Variants in TICRR observed in about 807,000 individuals in gnomAD.
The protein encoded by TICRR is TOPBP1 interacting checkpoint and replication regulator.
Under a neutral mutation model 178.1 loss-of-function variants are expected in TICRR, and 132 were observed. The ratio of observed to expected loss-of-function variants is 0.74; its 90% CI spans 0.64 to 0.86. The LOEUF is 0.86. Among genes scored for constraint, TICRR ranks in the 40% least tolerant of loss-of-function variants. TICRR has a pLI of 0.00. For synonymous variants in TICRR, 991 were observed against 900.7 expected, an observed-to-expected ratio of 1.10 and a Z score of -1.79; for missense variants, 2,587 against 2,334.3, an observed-to-expected ratio of 1.11 and a Z score of -2.23.
intron 13 of TICRR, among the ~76,000 whole-genome samples, chr15:89,604,710 G>A (rs1333482170): frequency 7.0e-6 from 1 of 143,870 alleles, no homozygotes. Flanking sequence ...GTTTGAGGCT[G>A]CAATGAACTA....
At chr15:89,598,908 G>C (rs12913027) in intron 7 of TICRR, among the ~76,000 whole-genome samples, 4 of 151,872 alleles carry the variant, frequency 2.6e-5, no homozygotes, top group African/African-American at 9.7e-5. Context: ...TCCAGAGGCT[G>C]AGGTGGGAAG....
chr15:89,608,918 G>T lies in TICRR; in HGVS notation c.2838G>T (p.Glu946Asp). 1.2e-6 allele frequency: 2 copies of T among 1,601,200 alleles called. No individual in the cohort carries two copies. Among genetic ancestry groups the T allele is most frequent in the African/African-American group, 1.4e-5 (1 of 73,766 alleles). Residue 946 changes from glutamate to aspartate, a missense_variant, in exon 15 of 22, where the codon GAG (glutamate) becomes GAT (aspartate). Physicochemically the swap from Glu to Asp is conservative, Grantham distance 45. Transcript: ENST00000268138. ...CTGTGTCAGCTGTGGATGGTCTAGA[G>T]GATAAACTTGACAACTTCAAGAAGA... Reference protein sequence around the residue: ...SHSVSAVDGLEDKLDNFKKNK... With the variant: ...SHSVSAVDGLDDKLDNFKKNK...
Position 89,624,074 on chromosome 15 carries a change from C to G in TICRR, c.3764C>G (p.Ala1255Gly). 6 of 1,614,050 alleles carry G rather than the reference C, an allele frequency of 3.7e-6. No homozygotes were observed. Among genetic ancestry groups the G allele is most frequent in the Non-Finnish European group, 5.1e-6 (6 of 1,180,020 alleles). The part of the protein sequence containing the change: ...RDPLRTPPRA[A>G]AFMGTPQNQT... ...CCTCTCAGAACACCTCCGAGAGCAG[C>G]AGCCTTCATGGGCACGCCTCAGAAT... is the stretch of plus-strand genomic sequence containing the variant. The change falls in exon 20 of 22, where the codon GCA becomes GGA. Residue 1255 changes from alanine to glycine, a missense_variant. Coordinates refer to ENST00000268138, the MANE Select transcript of TICRR (RefSeq NM_152259.4).
chr15:89,595,464 G>T lies in TICRR; in HGVS notation c.1753G>T (p.Ala585Ser), dbSNP rs775106421. ...MCRSLKMLNV[A>S]RLNVKAQKLH... ...CCGTTCCTTAAAGATGTTGAATGTCGCAAGGCTGAATGTGAAGGCCCAGAA... is the reference window on the plus strand; with the variant it reads ...CCGTTCCTTAAAGATGTTGAATGTCTCAAGGCTGAATGTGAAGGCCCAGAA... The change falls in exon 7 of 22, where the codon GCA becomes TCA. Residue 585 changes from alanine (A) to serine (S), a missense_variant. Transcript: ENST00000268138. 1.9e-6 allele frequency: 3 copies of T among 1,614,086 alleles called. No homozygotes were observed. The highest frequency in any genetic ancestry group is 1.7e-5 in the Admixed American group (1 of 60,014).
In TICRR at chr15:89,601,585, C is replaced by A; in HGVS notation, c.2327+17C>A. ...TTTGAGATTGTAAGTTTGATGGTTA[C>A]TAACTTAACTTTAAAATTGTTTTGT... On this transcript the variant is annotated intron_variant, in intron 11 of 21. Coordinates refer to ENST00000268138, the MANE Select transcript of TICRR (RefSeq NM_152259.4). 1 of 1,613,380 alleles carries A rather than the reference C, an allele frequency of 6.2e-7. No homozygotes were observed. The highest frequency in any genetic ancestry group is 8.5e-7 in the Non-Finnish European group (1 of 1,179,378).
At chr15:89,607,888 C>T (rs1963197590) in intron 14 of TICRR, among the ~76,000 whole-genome samples, 1 of 151,872 alleles carries the variant, frequency 6.6e-6, no homozygotes, top group South Asian at 2.1e-4. Flanking sequence ...AACTTTGAGT[C>T]TAGATGATGA....
At chr15:89,602,276 T>C (rs1963111283) in intron 12 of TICRR, among the ~76,000 whole-genome samples, 1 of 152,204 alleles carries the variant, frequency 6.6e-6, no homozygotes, top group Non-Finnish European at 1.5e-5. Flanking sequence ...ACCTAGATAG[T>C]ATATATTTTT....
intron 18 of TICRR, among the ~76,000 whole-genome samples, chr15:89,621,001 G>A (rs1169137666): frequency 1.3e-5 from 2 of 151,364 alleles, no homozygotes; most frequent in African/African-American, 2.4e-5. Context: ...GATTACAGGC[G>A]TGAGCCACTG....
intron 15 of TICRR, among the ~76,000 whole-genome samples, chr15:89,614,042 T>G (rs1963296347): frequency 6.6e-6 from 1 of 152,028 alleles, no homozygotes; most frequent in South Asian, 2.1e-4. Flanking sequence ...TAGTCCTGGT[T>G]ACTCCGGAGG....
chr15:89,590,973 C>T (rs530578539), intron 4 of TICRR, among the ~76,000 whole-genome samples: 6 of 152,364 alleles, frequency 3.9e-5, no homozygotes, highest in African/African-American at 1.4e-4. Flanking sequence ...CCAACCACCT[C>T]CTCCATCAGG....
intron 13 of TICRR, among the ~76,000 whole-genome samples, chr15:89,603,640 G>T (rs1340029776): frequency 6.6e-6 from 1 of 152,196 alleles, no homozygotes; most frequent in African/African-American, 2.4e-5. Context: ...TGAAAAAGAT[G>T]ATGACCATCA....
At chr15:89,599,189 TC>T in intron 7 of TICRR, 134 bp from the exon 8 acceptor site, 9 of 266,630 alleles carry the variant, frequency 3.4e-5, no homozygotes, top group Non-Finnish European at 5.0e-5. Context: ...CCCACCACCA[TC>T]AGTCATGACA....
chr15:89,585,603 G>A (rs11639246), intron 3 of TICRR, 105 bp from the exon 4 acceptor site: 366,136 of 794,954 alleles, frequency 0.46, 86,761 homozygotes, highest in Non-Finnish European at 0.49. Context: ...TAGTTTTCAC[G>A]TTAATAATAA....
chr15:89,603,514 G>T (rs191528021), intron 13 of TICRR, among the ~76,000 whole-genome samples: 2 of 152,218 alleles, frequency 1.3e-5, no homozygotes, highest in Admixed American at 1.3e-4. Flanking sequence ...GAGCCCAGTA[G>T]GTCAAAGCTG....
chr15:89,595,657 TA>T (rs759221720), intron 7 of TICRR, 46 bp downstream of exon 7: 31 of 1,443,110 alleles, frequency 2.1e-5, no homozygotes, highest in Non-Finnish European at 2.9e-5. Context: ...CCCGCTTTTT[TA>T]AAAATAAAAT....
intron 4 of TICRR, among the ~76,000 whole-genome samples, chr15:89,588,992 G>C (rs1357860396): frequency 6.6e-6 from 1 of 152,108 alleles, no homozygotes; most frequent in African/African-American, 2.4e-5. Flanking sequence ...AGCATGGCGG[G>C]GGAACAGCAA....
intron 7 of TICRR, among the ~76,000 whole-genome samples, chr15:89,599,002 C>A (rs115236061): frequency 0.01 from 1,589 of 152,158 alleles, 36 homozygotes; most frequent in African/African-American, 0.037. Context: ...CAGAGTAAGA[C>A]CTTGTCTCAA....
rs117395022 is a variant in TICRR at position 89,625,642 on chromosome 15, T to C, written c.5332T>C (p.Leu1778=). Residue 1778 remains leucine (L), a synonymous_variant, in exon 20 of 22, where the codon TTG becomes CTG. Coordinates refer to ENST00000268138, the MANE Select transcript of TICRR (RefSeq NM_152259.4). ...GTTGAGTTCCAGGAAGAGAGTCCTG[T>C]TGGCCAAGGAAGAAGCTGACCGTGG... The part of the protein sequence containing the change: ...FGLSSRKRVL[L]AKEEADRGAK... 0.024 allele frequency: 38,703 copies of C among 1,613,530 alleles called. 635 individuals carry two copies. Among genetic ancestry groups the C allele is most frequent in the South Asian group, 0.061 (5,539 of 91,074 alleles).
intron 4 of TICRR, among the ~76,000 whole-genome samples, 197 bp downstream of exon 4, chr15:89,586,139 CAT>C (rs1423949913): frequency 6.6e-6 from 1 of 152,098 alleles, no homozygotes; most frequent in Non-Finnish European, 1.5e-5. Flanking sequence ...CTGCAGGTTC[CAT>C]GAAACCAGTC....
Sources: allele counts gnomAD v4.1 joint callset (sites outside exome capture counted in the v4.1 genomes callset), GRCh38; gene constraint gnomAD v4.1.1; transcripts MANE v1.5; gene names NCBI Gene and HGNC (gene_info 2026-07-23, HGNC 2026-07-21).